ATF6: variants seen among roughly 807,000 people sequenced by gnomAD.
The protein encoded by ATF6 is activating transcription factor 6.
Under a neutral mutation model 83.6 loss-of-function variants are expected in ATF6, and 53 were observed. The observed-to-expected ratio is 0.63, with a 90% CI of 0.51 to 0.80. The LOEUF (loss-of-function observed/expected upper bound fraction) is 0.80. Ranked by LOEUF, ATF6 falls within the 30% of genes least tolerant of loss-of-function variation. The pLI, the probability that ATF6 is intolerant of heterozygous loss-of-function variation, is 0.00. For missense variants in ATF6, 744 were observed against 797.9 expected, an observed-to-expected ratio of 0.93 and a Z score of 0.81; for synonymous variants, 288 against 285.8, an observed-to-expected ratio of 1.01 and a Z score of -0.08.
At chr1:161,942,158 G>A (rs762404028) in intron 15 of ATF6, among the ~76,000 whole-genome samples, 2 of 152,162 alleles carry the variant, frequency 1.3e-5, no homozygotes, top group Non-Finnish European at 2.9e-5. Context: ...ACACTCTGCA[G>A]TATCTCGTTT....
chr1:161,861,635 C>T (rs1334992346), intron 13 of ATF6, among the ~76,000 whole-genome samples: 1 of 152,058 alleles, frequency 6.6e-6, no homozygotes, highest in African/African-American at 2.4e-5. Context: ...TCCATATTTG[C>T]TAATTCACCT....
intron 5 of ATF6, 146 bp from the exon 6 acceptor site, chr1:161,791,978 G>A (rs1283116004): frequency 1.3e-6 from 1 of 743,432 alleles, no homozygotes; most frequent in Non-Finnish European, 2.3e-6. Context: ...TCAGGTATAT[G>A]TACTGTAGCT....
chr1:161,900,571 G>A (rs941674297), intron 14 of ATF6, among the ~76,000 whole-genome samples: 6 of 152,088 alleles, frequency 3.9e-5, no homozygotes, highest in Non-Finnish European at 8.8e-5. Flanking sequence ...AGAATAAAAT[G>A]TTACTTATGA....
chr1:161,958,115 C>T (rs183838906), intron 15 of ATF6, among the ~76,000 whole-genome samples: 1 of 152,246 alleles, frequency 6.6e-6, no homozygotes, highest in African/African-American at 2.4e-5. Flanking sequence ...TCCAGTTGCT[C>T]CAATCAGAGT....
chr1:161,889,090 C>T lies in ATF6; in HGVS notation c.1720-23206C>T, dbSNP rs112843930. Among the ~76,000 whole-genome samples the T allele has an allele frequency of 1.9e-3, 296 of 152,338 alleles. 3 individuals carry two copies. Among genetic ancestry groups the T allele is most frequent in the African/African-American group, 6.6e-3 (273 of 41,584 alleles). On this transcript the variant is annotated intron_variant, in intron 14 of 15. Transcript: ENST00000367942. ...GAACATAGAAACCATCTTTGATTTT[C>T]AACTCCTAATTGGGACTGAACATAC...
At chr1:161,891,523 G>T (rs1040989012) in intron 14 of ATF6, 2 of 152,200 alleles carry the variant, frequency 1.3e-5, no homozygotes, top group Non-Finnish European at 2.9e-5. Context: ...GAAGATTATC[G>T]CTGCACTGTA....
intron 12 of ATF6, among the ~76,000 whole-genome samples, chr1:161,855,051 A>G (rs969172721): frequency 1.3e-5 from 2 of 152,152 alleles, no homozygotes; most frequent in African/African-American, 2.4e-5. Context: ...AGCAAACTTC[A>G]TAGGCTTTGA....
intron 15 of ATF6, among the ~76,000 whole-genome samples, chr1:161,927,165 C>G (rs1688332550): frequency 6.6e-6 from 1 of 151,826 alleles, no homozygotes. Context: ...AACACAACAG[C>G]CTCATGAAAC....
chr1:161,834,834 C>T (rs1027202373), intron 9 of ATF6, among the ~76,000 whole-genome samples: 8 of 151,876 alleles, frequency 5.3e-5, no homozygotes, highest in African/African-American at 1.2e-4. Flanking sequence ...GTGAATGGGA[C>T]GATGGATCTG....
Position 161,962,777 on chromosome 1 carries a change from A to G in ATF6, c.*4123A>G, listed in dbSNP as rs1228333973. 2.0e-5 allele frequency: 3 copies of G among 152,192 alleles called. No homozygotes were observed. Among genetic ancestry groups the G allele is most frequent in the Non-Finnish European group, 4.4e-5 (3 of 68,036 alleles). The allele number at this position is 152,192 out of a possible 1,614,324, so 9.4% of individuals were successfully genotyped here. The stretch of plus-strand genomic sequence containing the variant: ...CTGAGATCTTTTCATACTATTGGCT[A>G]TTTCATACCAATTAACCTCTTAAAT... On this transcript the variant is annotated 3_prime_UTR_variant, in exon 16 of 16. Transcript: ENST00000367942.
At chr1:161,830,974 T>C (rs1243511518) in intron 9 of ATF6, among the ~76,000 whole-genome samples, 2 of 152,176 alleles carry the variant, frequency 1.3e-5, no homozygotes, top group Non-Finnish European at 2.9e-5. Context: ...AAAGAGCTTC[T>C]GCACAGCAAA....
At chr1:161,905,067 G>A (rs771397103) in intron 14 of ATF6, among the ~76,000 whole-genome samples, 1 of 152,286 alleles carries the variant, frequency 6.6e-6, no homozygotes, top group East Asian at 1.9e-4. Flanking sequence ...CTGGAGTGAA[G>A]GCTGGAGGAA....
chr1:161,861,894 C>G (rs1211780142), intron 13 of ATF6, among the ~76,000 whole-genome samples: 1 of 152,132 alleles, frequency 6.6e-6, no homozygotes, highest in African/African-American at 2.4e-5. Context: ...GTTGCTAAGC[C>G]GAAGCGGGCT....
At position 161,821,088 on chromosome 1, in the gene ATF6, C is replaced by T; in HGVS notation, c.1114C>T (p.Pro372Ser). 1 of 1,611,838 alleles carries T rather than the reference C, an allele frequency of 6.2e-7. No individual in the cohort carries two copies. The highest frequency in any genetic ancestry group is 8.5e-7 in the Non-Finnish European group (1 of 1,178,778). The change falls in exon 9 of 16, where the codon CCT becomes TCT. Residue 372 changes from proline to serine, a missense_variant. By Grantham distance (74) the Pro-to-Ser change is moderately conservative. Coordinates refer to ENST00000367942, the MANE Select transcript of ATF6 (RefSeq NM_007348.4). ...VVSENQRLKV[P>S]SPKRRVVCVM... ...CCTTTAGAACCAGAGGCTTAAAGTC[C>T]CTAGTCCAAAGCGAAGAGTTGTCTG...
chr1:161,914,079 G>A lies in ATF6; in HGVS notation c.1804+1699G>A, dbSNP rs569888794. 1.2e-4 allele frequency among the ~76,000 whole-genome samples: 19 copies of A among 152,214 alleles called. No homozygotes were observed. The South Asian group carries it at 3.7e-3, about 30-fold the overall frequency. On this transcript the variant is annotated intron_variant, in intron 15 of 15. Coordinates refer to ENST00000367942, the MANE Select transcript of ATF6 (RefSeq NM_007348.4). ...CTTTTTAATCTGTTTCAGACTCTTTGTAAATAGTCTTTTTAAAAACTTCCC... is the reference window on the plus strand; with the variant it reads ...CTTTTTAATCTGTTTCAGACTCTTTATAAATAGTCTTTTTAAAAACTTCCC...
chr1:161,878,788 A>G (rs997946587), intron 14 of ATF6, among the ~76,000 whole-genome samples: 1 of 152,210 alleles, frequency 6.6e-6, no homozygotes, highest in South Asian at 2.1e-4. Flanking sequence ...GGATATGTCA[A>G]CATGAAAGTC....
intron 14 of ATF6, among the ~76,000 whole-genome samples, chr1:161,883,287 AT>A (rs956020910): frequency 1.3e-5 from 2 of 152,008 alleles, no homozygotes; most frequent in African/African-American, 4.8e-5. Context: ...GATAGCTAGA[AT>A]CTCTCTCAAT....
At chr1:161,847,275 A>G (rs1686506463) in intron 10 of ATF6, among the ~76,000 whole-genome samples, 1 of 152,160 alleles carries the variant, frequency 6.6e-6, no homozygotes, top group Admixed American at 6.5e-5. Flanking sequence ...TATGGTAACT[A>G]TTGCACAGTA....
Position 161,958,166 on chromosome 1 carries a change from T to C in ATF6, c.1805-280T>C, listed in dbSNP as rs188155269. ...AAGCATACAAGATATACGATGTCTG[T>C]GGACAGATGCTCTGTGGCATTATTA... On this transcript the variant is annotated intron_variant, in intron 15 of 15. Coordinates refer to ENST00000367942, the MANE Select transcript of ATF6 (RefSeq NM_007348.4). Among the ~76,000 whole-genome samples the C allele has an allele frequency of 3.3e-5, 5 of 152,226 alleles. No homozygotes were observed. The East Asian group carries it at 9.6e-4, about 29-fold the overall frequency.
Sources: allele counts gnomAD v4.1 joint callset (sites outside exome capture counted in the v4.1 genomes callset), GRCh38; gene constraint gnomAD v4.1.1; transcripts MANE v1.5; gene names NCBI Gene and HGNC (gene_info 2026-07-23, HGNC 2026-07-21).